The following RBFOX1 variants were observed in gnomAD, a reference collection of about 807,000 sequenced individuals.
RBFOX1 encodes the protein RNA binding fox-1 homolog 1, also known as RNA binding protein fox-1 homolog 1.
Under a neutral mutation model 57.7 loss-of-function variants are expected in RBFOX1, and 8 were observed. The observed-to-expected ratio is 0.14, with a 90% CI of 0.08 to 0.25. RBFOX1 has a LOEUF of 0.25. RBFOX1 is among the 10% of genes least tolerant of loss of function. The pLI, the probability that RBFOX1 is intolerant of heterozygous loss-of-function variation, is 1.00. For synonymous variants in RBFOX1, 326 were observed against 222.4 expected, an observed-to-expected ratio of 1.47 and a Z score of -4.15; for missense variants, 611 against 548.5, an observed-to-expected ratio of 1.11 and a Z score of -1.14.
At chr16:6,647,822 C>G (rs1285928220) in intron 2 of RBFOX1, among the ~76,000 whole-genome samples, 1 of 152,088 alleles carries the variant, frequency 6.6e-6, no homozygotes, top group Non-Finnish European at 1.5e-5. Flanking sequence ...GTAGCCTTGA[C>G]TGCCTAGGGA....
intron 4 of RBFOX1, among the ~76,000 whole-genome samples, chr16:7,433,838 G>C (rs952082947): frequency 6.6e-6 from 1 of 152,186 alleles, no homozygotes; most frequent in Non-Finnish European, 1.5e-5. Flanking sequence ...TTTAACACCT[G>C]TGTGTGCCAT....
chr16:5,850,642 A>C (rs757924507), intron 3 of RBFOX1, among the ~76,000 whole-genome samples: 2 of 152,186 alleles, frequency 1.3e-5, no homozygotes, highest in Admixed American at 1.3e-4. Context: ...TTTACTCCCT[A>C]AAGACTGCAT....
intron 3 of RBFOX1, among the ~76,000 whole-genome samples, chr16:6,927,991 T>C (rs2153467587): frequency 1.3e-5 from 2 of 152,326 alleles, no homozygotes; most frequent in Admixed American, 1.3e-4. Context: ...GAGCTGCTGT[T>C]CCGCTGCTGC....
At chr16:5,945,070 A>T (rs957166501) in intron 4 of RBFOX1, among the ~76,000 whole-genome samples, 1 of 150,648 alleles carries the variant, frequency 6.6e-6, no homozygotes, top group East Asian at 2.0e-4. Flanking sequence ...CTGGAGCTCT[A>T]TGTAGGTTTA....
rs1023774210 is a variant in RBFOX1 at position 6,453,756 on chromosome 16, A to T, written c.-64+136699A>T. On this transcript the variant is annotated intron_variant, in intron 2 of 15. Coordinates refer to ENST00000550418, the MANE Select transcript of RBFOX1 (RefSeq NM_018723.4). ...TAATGGCAGCCATGAGCCCCATGTG[A>T]CTGTTTAAATTTAAATGTAAAAATT... 2.0e-5 allele frequency among the ~76,000 whole-genome samples: 3 copies of T among 152,164 alleles called. No individual in the cohort carries two copies. The East Asian group carries it at 5.8e-4, about 29-fold the overall frequency.
At chr16:7,596,810 G>A (rs556145281) in intron 8 of RBFOX1, among the ~76,000 whole-genome samples, 2 of 152,232 alleles carry the variant, frequency 1.3e-5, no homozygotes, top group South Asian at 2.1e-4. Flanking sequence ...TAGCTGTGAC[G>A]TTAAAGCTTG....
In RBFOX1 at chr16:6,860,940, C is replaced by T. The variant is rs2058880763; in HGVS notation, c.-15-191117C>T. 4.0e-5 allele frequency among the ~76,000 whole-genome samples: 6 copies of T among 151,864 alleles called. No individual in the cohort carries two copies. In the South Asian group the frequency reaches 1.0e-3, roughly 26 times the overall value. Reference sequence around the variant, plus strand: ...ATGAATGTGCCCAAAAATATATATTCTCTTGGGGTCTATGCATATATGGTA... The same window carrying T: ...ATGAATGTGCCCAAAAATATATATTTTCTTGGGGTCTATGCATATATGGTA... On this transcript the variant is annotated intron_variant, in intron 3 of 15. Coordinates refer to ENST00000550418, the MANE Select transcript of RBFOX1 (RefSeq NM_018723.4).
intron 1 of RBFOX1, among the ~76,000 whole-genome samples, chr16:5,461,784 T>TGTGTCTG (rs2068795205): frequency 1.3e-5 from 2 of 152,142 alleles, no homozygotes; most frequent in African/African-American, 4.8e-5. Flanking sequence ...TAATCTCACA[T>TGTGTCTG]TTCATCTCAG....
chr16:6,811,466 A>T (rs971736942), intron 3 of RBFOX1, among the ~76,000 whole-genome samples: 2 of 152,212 alleles, frequency 1.3e-5, no homozygotes, highest in Admixed American at 6.5e-5. Flanking sequence ...ATATTGTAAA[A>T]TTCCTGTTTG....
At chr16:7,524,248 A>C (rs2078171020) in intron 5 of RBFOX1, among the ~76,000 whole-genome samples, 1 of 152,200 alleles carries the variant, frequency 6.6e-6, no homozygotes, top group South Asian at 2.1e-4. Context: ...CAAAGTGCAG[A>C]ATCTGTAAAA....
intron 1 of RBFOX1, among the ~76,000 whole-genome samples, chr16:6,243,978 C>G (rs116731012): frequency 0.013 from 1,919 of 152,294 alleles, 44 homozygotes; most frequent in African/African-American, 0.043. Flanking sequence ...TCTCATTACA[C>G]TCCTTTAATG....
chr16:6,843,260 G>T (rs1282839043), intron 3 of RBFOX1, among the ~76,000 whole-genome samples: 1 of 152,074 alleles, frequency 6.6e-6, no homozygotes, highest in African/African-American at 2.4e-5. Context: ...TTGGACAGCA[G>T]TATCAAGTTA....
rs2044984996 is a variant in RBFOX1 at position 7,037,863 on chromosome 16, C to T, written c.-15-14194C>T. 7.2e-5 allele frequency among the ~76,000 whole-genome samples: 11 copies of T among 152,244 alleles called. No homozygotes were observed. In the South Asian group the frequency reaches 2.1e-3, roughly 29 times the overall value. ...TCAGTTAATATGATCAAGATGACTGCCCAGATAAGGCCATGGCCTGTGTGT... is the reference window on the plus strand; with the variant it reads ...TCAGTTAATATGATCAAGATGACTGTCCAGATAAGGCCATGGCCTGTGTGT... On this transcript the variant is annotated intron_variant, in intron 3 of 15. Transcript: ENST00000550418.
chr16:6,966,622 C>T (rs2084228854), intron 3 of RBFOX1, among the ~76,000 whole-genome samples: 2 of 152,210 alleles, frequency 1.3e-5, no homozygotes, highest in South Asian at 4.1e-4. Context: ...CATGGGGTCA[C>T]AGAGCAAGAG....
At chr16:6,633,259 G>C (rs1258980930) in intron 2 of RBFOX1, among the ~76,000 whole-genome samples, 1 of 151,992 alleles carries the variant, frequency 6.6e-6, no homozygotes, top group African/African-American at 2.4e-5. Context: ...TGCACAGAAA[G>C]TGTTCTTGAG....
intron 2 of RBFOX1, among the ~76,000 whole-genome samples, chr16:6,484,282 C>A (rs1249013963): frequency 6.6e-6 from 1 of 152,176 alleles, no homozygotes; most frequent in Non-Finnish European, 1.5e-5. Context: ...GCTCACGTTG[C>A]AAGGGAGCAT....
chr16:6,783,391 T>G (rs1348381024), intron 3 of RBFOX1, among the ~76,000 whole-genome samples: 1 of 151,500 alleles, frequency 6.6e-6, no homozygotes, highest in Non-Finnish European at 1.5e-5. Flanking sequence ...TCTTTTAATT[T>G]TTTTGTGTCC....
In RBFOX1 at chr16:5,821,291, TTTTTA is replaced by T. The variant is rs1200484724; in HGVS notation, c.319-46007_319-46003del. Among the ~76,000 whole-genome samples the T allele has an allele frequency of 4.6e-3, 650 of 140,906 alleles. 16 individuals carry two copies. The highest frequency in any genetic ancestry group is 0.017 in the African/African-American group (617 of 37,138). 92.4% of individuals were successfully genotyped at this position (140,906 alleles called of 152,430 possible). A position where few individuals can be genotyped will look rare whatever the true frequency, so the allele number is the denominator to read the frequency against. ...AGTGGGCTGTCTGTCATTCTCTCTTTTTTTATTTTTTTTTTTTTTTTTGAGACGGA... is the reference window on the plus strand; with the variant it reads ...AGTGGGCTGTCTGTCATTCTCTCTTTTTTTTTTTTTTTTTTTTGAGACGGA... On this transcript the variant is annotated intron_variant, in intron 3 of 19. Transcript: ENST00000641259.
chr16:6,828,459 G>A (rs913204467), intron 3 of RBFOX1, among the ~76,000 whole-genome samples: 2 of 152,012 alleles, frequency 1.3e-5, no homozygotes, highest in Non-Finnish European at 2.9e-5. Context: ...AGGAGGAAGA[G>A]GTTGCAGTCA....
Sources: allele counts gnomAD v4.1 joint callset (sites outside exome capture counted in the v4.1 genomes callset), GRCh38; gene constraint gnomAD v4.1.1; transcripts MANE v1.5; gene names NCBI Gene and HGNC (gene_info 2026-07-23, HGNC 2026-07-21).